Variants in EGFR observed in about 807,000 individuals in gnomAD.
EGFR encodes epidermal growth factor receptor, also known as avian erythroblastic leukemia viral (v-erb-b) oncogene homolog.
A neutral mutation model predicts 143.0 loss-of-function variants in EGFR; 58 were observed. The ratio of observed to expected loss-of-function variants is 0.41; its 90% CI spans 0.33 to 0.50. The LOEUF is 0.50. Ranked by LOEUF, EGFR falls within the 20% of genes least tolerant of loss-of-function variation. EGFR has a pLI of 0.39. For missense variants in EGFR, 1,307 were observed against 1,579.0 expected, an observed-to-expected ratio of 0.83 and a Z score of 2.92; for synonymous variants, 613 against 594.4, an observed-to-expected ratio of 1.03 and a Z score of -0.45.
chr7:55,151,308 C>A lies in EGFR; in HGVS notation c.574C>A (p.Pro192Thr), dbSNP rs770074413. Reference protein sequence around the residue: ...NHLGSCQKCDPSCPNGSCWGA... With the variant: ...NHLGSCQKCDTSCPNGSCWGA... ...TTACATTTCAGGCCAAAAGTGTGAT[C>A]CAAGCTGTCCCAATGGGAGCTGCTG... The change falls in exon 5 of 28, where the codon CCA (proline) becomes ACA (threonine). Residue 192 changes from proline to threonine, a missense_variant. Physicochemically the swap from Pro to Thr is conservative, Grantham distance 38. Transcript: ENST00000275493. 6.8e-6 allele frequency: 11 copies of A among 1,614,072 alleles called. No homozygotes were observed. Among genetic ancestry groups the A allele is most frequent in the Non-Finnish European group, 9.3e-6 (11 of 1,180,032 alleles).
At position 55,156,547 on chromosome 7, in the gene EGFR, G is replaced by A. The variant is rs2128938176; in HGVS notation, c.1021G>A (p.Gly341Ser). ...GPCRKVCNGI[G>S]IGEFKDSLSI... ...TATCTCTGCAGTGTGTAACGGAATA[G>A]GTATTGGTGAATTTAAAGACTCACT... is the stretch of plus-strand genomic sequence containing the variant. The change falls in exon 9 of 28, where the codon GGT (glycine) becomes AGT (serine). Residue 341 changes from glycine (G) to serine (S), a missense_variant. Physicochemically the swap from Gly to Ser is moderately conservative, Grantham distance 56. Coordinates refer to ENST00000275493, the MANE Select transcript of EGFR (RefSeq NM_005228.5). The A allele has an allele frequency of 6.2e-7, 1 of 1,614,232 alleles. No homozygotes were observed.
chr7:55,036,022 G>A (rs1469175453), intron 1 of EGFR, among the ~76,000 whole-genome samples: 1 of 151,864 alleles, frequency 6.6e-6, no homozygotes, highest in Non-Finnish European at 1.5e-5. Context: ...AGAACTCATA[G>A]CCTTTCACAG....
At chr7:55,190,147 C>T (rs1271905045) in intron 20 of EGFR, among the ~76,000 whole-genome samples, 1 of 152,132 alleles carries the variant, frequency 6.6e-6, no homozygotes, top group African/African-American at 2.4e-5. Flanking sequence ...TCTCCCTTTC[C>T]ACCCACCATC....
chr7:55,101,450 C>T (rs1158159006), intron 1 of EGFR, among the ~76,000 whole-genome samples: 1 of 152,236 alleles, frequency 6.6e-6, no homozygotes, highest in East Asian at 1.9e-4. Context: ...TTTTAATTCT[C>T]ACCTACTGAG....
At chr7:55,030,771 G>A (rs1173743855) in intron 1 of EGFR, among the ~76,000 whole-genome samples, 1 of 152,198 alleles carries the variant, frequency 6.6e-6, no homozygotes, top group Non-Finnish European at 1.5e-5. Flanking sequence ...CTCCAAGAGT[G>A]TTCATTTTCC....
chr7:55,053,488 T>A (rs1047974838), intron 1 of EGFR, among the ~76,000 whole-genome samples: 2 of 152,220 alleles, frequency 1.3e-5, no homozygotes, highest in East Asian at 3.8e-4. Context: ...TCTCTTAGAT[T>A]TTCTAAGTTG....
chr7:55,119,791 C>G (rs1390147862), intron 1 of EGFR, among the ~76,000 whole-genome samples: 1 of 152,178 alleles, frequency 6.6e-6, no homozygotes, highest in African/African-American at 2.4e-5. Context: ...AAAGGTCCTT[C>G]TATTGGAGGA....
In EGFR at chr7:55,109,884, G is replaced by T. The variant is rs567233003; in HGVS notation, c.89-32402G>T. On this transcript the variant is annotated intron_variant, in intron 1 of 27. Coordinates refer to ENST00000275493, the MANE Select transcript of EGFR (RefSeq NM_005228.5). ...AACAAGAGGGAGCTCTGGGCTGCTG[G>T]CTGGTTGTGCATTTGCTGTGGGTTC... 23 of 985,590 alleles carry T rather than the reference G, an allele frequency of 2.3e-5. No individual in the cohort carries two copies. The East Asian group carries it at 5.7e-4, about 24-fold the overall frequency. The allele number at this position is 985,590 out of a possible 1,614,324, so 61.1% of individuals were successfully genotyped here. A position where few individuals can be genotyped will look rare whatever the true frequency, so the allele number is the denominator to read the frequency against.
Position 55,160,114 on chromosome 7 carries a change from A to G in EGFR, c.1299-25A>G, listed in dbSNP as rs74810252. The G allele has an allele frequency of 6.0e-5, 96 of 1,613,240 alleles. No homozygotes were observed. The East Asian group carries it at 2.1e-3, about 36-fold the overall frequency. ...CATTGTTTTTATAATTTTTCACCAC[A>G]TGATTTTTCTTCTCTCCAATGTAGT... On this transcript the variant is annotated intron_variant, in intron 11 of 27. Transcript: ENST00000275493.
rs749455177 is a variant in EGFR at position 55,192,735 on chromosome 7, G to A, written c.2626-31G>A. ...TTCCAACAGAGGGAAACTAATAGTT[G>A]TCTCACTGCCTCATCTCTCACCATC... On this transcript the variant is annotated intron_variant, in intron 21 of 27. Coordinates refer to ENST00000275493, the MANE Select transcript of EGFR (RefSeq NM_005228.5). 2.5e-6 allele frequency: 4 copies of A among 1,596,126 alleles called. No homozygotes were observed. In the African/African-American group the frequency reaches 4.0e-5, roughly 16 times the overall value.
At chr7:55,038,117 G>C (rs181059799) in intron 1 of EGFR, among the ~76,000 whole-genome samples, 2 of 151,916 alleles carry the variant, frequency 1.3e-5, no homozygotes, top group African/African-American at 2.4e-5. Context: ...ATAGGAAAGC[G>C]GGGGGGTGGA....
intron 4 of EGFR, among the ~76,000 whole-genome samples, chr7:55,150,448 G>C (rs2128931778): frequency 6.6e-6 from 1 of 152,296 alleles, no homozygotes; most frequent in South Asian, 2.1e-4. Context: ...CAGTCACATG[G>C]GAGATCAATC....
intron 1 of EGFR, among the ~76,000 whole-genome samples, chr7:55,132,625 A>T (rs906884068): frequency 1.8e-4 from 28 of 152,054 alleles, no homozygotes; most frequent in African/African-American, 6.5e-4. Context: ...GGTAATGAGG[A>T]ATATTGGTGC....
intron 19 of EGFR, among the ~76,000 whole-genome samples, chr7:55,179,251 C>T (rs747904151): frequency 7.2e-5 from 11 of 152,232 alleles, no homozygotes; most frequent in Non-Finnish European, 1.5e-4. Context: ...TCAGCTTCAT[C>T]AAGCTTCAGA....
intron 1 of EGFR, among the ~76,000 whole-genome samples, chr7:55,099,174 A>G (rs1422599862): frequency 6.6e-6 from 1 of 152,164 alleles, no homozygotes; most frequent in Non-Finnish European, 1.5e-5. Context: ...CTGTTGATTC[A>G]GTCTCTGGAA....
intron 1 of EGFR, among the ~76,000 whole-genome samples, chr7:55,027,332 G>A (rs1786951501): frequency 1.3e-5 from 2 of 152,184 alleles, no homozygotes; most frequent in African/African-American, 4.8e-5. Flanking sequence ...TGGGCCTCCA[G>A]GCACAGGGAC....
chr7:55,052,001 C>T (rs1788518771), intron 1 of EGFR, among the ~76,000 whole-genome samples: 1 of 152,200 alleles, frequency 6.6e-6, no homozygotes, highest in Non-Finnish European at 1.5e-5. Context: ...TCTTCGCTTC[C>T]TTCACCCATG....
At chr7:55,202,811 C>A in intron 27 of EGFR, 186 bp downstream of exon 27, 1 of 710,428 alleles carries the variant, frequency 1.4e-6, no homozygotes, top group South Asian at 1.5e-5. Context: ...TGCACAAGCT[C>A]TTTGTTGTGT....
intron 26 of EGFR, 128 bp downstream of exon 26, chr7:55,201,910 T>C (rs1288798156): frequency 2.3e-5 from 27 of 1,151,226 alleles, no homozygotes; most frequent in Non-Finnish European, 3.5e-5. Flanking sequence ...TGTGGGTTTT[T>C]CCCTGCACGG....
Sources: gnomAD v4.1 joint callset for allele counts (sites outside exome capture counted in the v4.1 genomes callset) on GRCh38, gnomAD v4.1.1 for gene constraint, MANE v1.5 for transcripts, NCBI Gene and HGNC (gene_info 2026-07-23, HGNC 2026-07-21) for gene names.